The following HS3ST3A1 variants were observed in gnomAD, a reference collection of about 807,000 sequenced individuals.
HS3ST3A1 encodes heparan sulfate-glucosamine 3-sulfotransferase 3A1.
HS3ST3A1 carries 19 observed loss-of-function variants against 25.7 expected under a neutral mutation model. The observed-to-expected ratio is 0.74, with a 90% CI of 0.52 to 1.08. The LOEUF is 1.08. Ranked by LOEUF, HS3ST3A1 falls within the 50% of genes least tolerant of loss-of-function variation. The pLI is 0.00. For missense variants in HS3ST3A1, 459 were observed against 594.3 expected (o/e 0.77, Z 2.37); for synonymous variants, 226 against 278.6 (o/e 0.81, Z 1.88).
rs367748630 is a variant in HS3ST3A1, at chr17:13,579,517, A to T, written c.599+21014T>A. ...GGAGTTCCAGACCAACCTGGCCAAC[A>T]TGGTGAAACCCTGTCTCTACTAAAA... is the stretch of plus-strand genomic sequence containing the variant. On this transcript the variant is annotated intron_variant, in intron 1 of 1. Coordinates refer to ENST00000284110, the MANE Select transcript of HS3ST3A1 (RefSeq NM_006042.3). 2.6e-5 allele frequency among the ~76,000 whole-genome samples: 4 copies of T among 151,868 alleles called. No individual in the cohort carries two copies. In the East Asian group the frequency reaches 5.8e-4, roughly 22 times the overall value.
chr17:13,523,845 G>T (rs760178006), intron 1 of HS3ST3A1, among the ~76,000 whole-genome samples: 2 of 151,900 alleles, frequency 1.3e-5, no homozygotes, highest in Non-Finnish European at 2.9e-5. Context: ...ATTTTTGGCC[G>T]TATCTAGTCT....
intron 1 of HS3ST3A1, among the ~76,000 whole-genome samples, chr17:13,583,247 T>A (rs1908162858): frequency 6.6e-6 from 1 of 152,244 alleles, no homozygotes; most frequent in African/African-American, 2.4e-5. Flanking sequence ...TGTTGGCCTC[T>A]TTGCCCTTTT....
intron 1 of HS3ST3A1, among the ~76,000 whole-genome samples, chr17:13,507,408 T>C (rs1905720567): frequency 1.3e-5 from 2 of 152,208 alleles, no homozygotes; most frequent in Non-Finnish European, 2.9e-5. Flanking sequence ...CAGGTCCATC[T>C]AGCTCCAAAG....
At chr17:13,578,480 T>C (rs904481627) in intron 1 of HS3ST3A1, among the ~76,000 whole-genome samples, 1 of 150,398 alleles carries the variant, frequency 6.6e-6, no homozygotes, top group Non-Finnish European at 1.5e-5. Context: ...GAAGAATCAC[T>C]TGAACCCAGG....
At chr17:13,590,196 C>A (rs145960726) in intron 1 of HS3ST3A1, among the ~76,000 whole-genome samples, 1 of 152,018 alleles carries the variant, frequency 6.6e-6, no homozygotes, top group East Asian at 1.9e-4. Context: ...CAATCACACT[C>A]GATGGGTTAC....
At chr17:13,502,919 G>A (rs1380253472) in intron 1 of HS3ST3A1, among the ~76,000 whole-genome samples, 1 of 150,252 alleles carries the variant, frequency 6.7e-6, no homozygotes, top group Admixed American at 6.6e-5. Flanking sequence ...GGTGGCTCAC[G>A]CCTATAATCC....
chr17:13,505,966 G>T (rs1032570988), intron 1 of HS3ST3A1, among the ~76,000 whole-genome samples: 1 of 148,578 alleles, frequency 6.7e-6, no homozygotes, highest in African/African-American at 2.5e-5. Context: ...GGCGGAGGTT[G>T]CAGTGAGCCG....
At chr17:13,583,262 G>A (rs1036528455) in intron 1 of HS3ST3A1, among the ~76,000 whole-genome samples, 3 of 151,964 alleles carry the variant, frequency 2.0e-5, no homozygotes, top group Admixed American at 2.0e-4. Context: ...CCTTTTATTG[G>A]TGGGCCTCTG....
At chr17:13,598,070 G>A (rs1369124608) in intron 1 of HS3ST3A1, among the ~76,000 whole-genome samples, 3 of 152,256 alleles carry the variant, frequency 2.0e-5, no homozygotes, top group Non-Finnish European at 2.9e-5. Flanking sequence ...TCACTGCTGG[G>A]TGCAAATATC....
intron 1 of HS3ST3A1, among the ~76,000 whole-genome samples, chr17:13,581,908 TTA>T (rs1259582796): frequency 6.6e-6 from 1 of 152,202 alleles, no homozygotes; most frequent in Non-Finnish European, 1.5e-5. Context: ...GGGTCGCCCT[TTA>T]ACTACTGTCT....
chr17:13,583,897 A>G (rs1908178664), intron 1 of HS3ST3A1, among the ~76,000 whole-genome samples: 2 of 152,244 alleles, frequency 1.3e-5, no homozygotes, highest in African/African-American at 4.8e-5. Flanking sequence ...TGAGTCAGAC[A>G]ATAAAGCAAT....
chr17:13,535,036 T>C lies in HS3ST3A1; in HGVS notation c.600-38218A>G, dbSNP rs969235206. Among the ~76,000 whole-genome samples the C allele has an allele frequency of 2.6e-5, 4 of 151,618 alleles. No homozygotes were observed. The South Asian group carries it at 8.3e-4, about 32-fold the overall frequency. ...AGCAAAACTCCATCTCAAAAATAAA[T>C]AAATAAATAAATAAATAAAATGAAA... On this transcript the variant is annotated intron_variant, in intron 1 of 1. Coordinates refer to ENST00000284110, the MANE Select transcript of HS3ST3A1 (RefSeq NM_006042.3).
In HS3ST3A1 at chr17:13,551,044, G is replaced by A. The variant is rs1907226127; in HGVS notation, c.599+49487C>T. Among the ~76,000 whole-genome samples the A allele has an allele frequency of 2.3e-5, 3 of 129,476 alleles. No individual in the cohort carries two copies. The South Asian group carries it at 8.1e-4, about 35-fold the overall frequency. The allele number at this position is 129,476 out of a possible 152,430, so 84.9% of individuals were successfully genotyped here. On this transcript the variant is annotated intron_variant, in intron 1 of 1. Transcript: ENST00000284110. ...ATCGCGTCACTGCACTCCAGCCTGG[G>A]CGACAGAGCGAGACTCTGTCTCAAA...
intron 1 of HS3ST3A1, among the ~76,000 whole-genome samples, chr17:13,578,728 A>G (rs906957610): frequency 1.3e-5 from 2 of 152,146 alleles, no homozygotes; most frequent in African/African-American, 2.4e-5. Flanking sequence ...ATGAATGTTG[A>G]TTAGATTTTT....
chr17:13,571,007 C>T lies in HS3ST3A1; in HGVS notation c.599+29524G>A, dbSNP rs73296181. Among the ~76,000 whole-genome samples the T allele has an allele frequency of 5.9e-3, 904 of 152,216 alleles. 9 individuals are homozygous for T. The highest frequency in any genetic ancestry group is 0.02 in the African/African-American group (851 of 41,530). Reference sequence around the variant, plus strand: ...AGATATAGGAGAGGCCTGTTGTTACCAAGGCTGTCTTCTTAGGTGTCCGTA... The same window carrying T: ...AGATATAGGAGAGGCCTGTTGTTACTAAGGCTGTCTTCTTAGGTGTCCGTA... On this transcript the variant is annotated intron_variant, in intron 1 of 1. Coordinates refer to ENST00000284110, the MANE Select transcript of HS3ST3A1 (RefSeq NM_006042.3).
chr17:13,594,048 G>A (rs9899009), intron 1 of HS3ST3A1, among the ~76,000 whole-genome samples: 21,501 of 152,068 alleles, frequency 0.14, 1,631 homozygotes, highest in African/African-American at 0.17. Flanking sequence ...ACTTTTGAAG[G>A]GTACTGGTCA....
chr17:13,542,617 T>C lies in HS3ST3A1; in HGVS notation c.600-45799A>G, dbSNP rs2142346242. Among the ~76,000 whole-genome samples, 2 of 152,174 alleles carry C rather than the reference T, an allele frequency of 1.3e-5. 1 individual carries two copies. Among genetic ancestry groups the C allele is most frequent in the South Asian group, 4.2e-4 (2 of 4,812 alleles). ...TGTGGCACTTTGTTATGGTAGCCTGTGATATTTCGAAATATCACAGGCTAC... is the reference window on the plus strand; with the variant it reads ...TGTGGCACTTTGTTATGGTAGCCTGCGATATTTCGAAATATCACAGGCTAC... On this transcript the variant is annotated intron_variant, in intron 1 of 1. Transcript: ENST00000284110.
chr17:13,499,179 T>G (rs1419233522), intron 1 of HS3ST3A1, among the ~76,000 whole-genome samples: 1 of 152,206 alleles, frequency 6.6e-6, no homozygotes, highest in Non-Finnish European at 1.5e-5. Context: ...GAGACACACA[T>G]TGGCATAACC....
intron 1 of HS3ST3A1, among the ~76,000 whole-genome samples, chr17:13,557,155 G>A (rs1037604267): frequency 6.6e-6 from 1 of 152,168 alleles, no homozygotes; most frequent in Non-Finnish European, 1.5e-5. Flanking sequence ...CGGGTCGGAC[G>A]AAGGCCCAGA....
Sources: allele counts gnomAD v4.1 joint callset (sites outside exome capture counted in the v4.1 genomes callset), GRCh38; gene constraint gnomAD v4.1.1; transcripts MANE v1.5; gene names NCBI Gene and HGNC (gene_info 2026-07-23, HGNC 2026-07-21).